The following HERC6 variants were observed in gnomAD, a reference collection of about 807,000 sequenced individuals.
HERC6 encodes the protein HECT and RLD domain containing E3 ubiquitin protein ligase family member 6, also known as probable E3 ubiquitin-protein ligase HERC6.
A neutral mutation model predicts 114.5 loss-of-function variants in HERC6; 101 were observed. The ratio of observed to expected loss-of-function variants is 0.88; its 90% confidence interval spans 0.75 to 1.04. The LOEUF (loss-of-function observed/expected upper bound fraction) is 1.04. Among genes scored for constraint, HERC6 ranks in the 50% least tolerant of loss-of-function variants. The probability of loss-of-function intolerance (pLI) is 0.00; values close to 1 mark genes in which losing one functional copy is unlikely to be tolerated. For missense variants in HERC6, 1,133 were observed against 1,230.9 expected, an observed-to-expected ratio of 0.92 and a Z score of 1.19; for synonymous variants, 408 against 436.2, an observed-to-expected ratio of 0.94 and a Z score of 0.81.
At chr4:88,425,143 G>T (rs751242414) in intron 15 of HERC6, among the ~76,000 whole-genome samples, 2 of 152,134 alleles carry the variant, frequency 1.3e-5, no homozygotes, top group Non-Finnish European at 2.9e-5. Flanking sequence ...AGGGCACTTG[G>T]TTCCTCCAAA....
In HERC6 at chr4:88,378,948, C is replaced by T; in HGVS notation, c.27C>T (p.Ser9=). 6.3e-7 allele frequency: 1 copy of T among 1,594,702 alleles called. No homozygotes were observed. The highest frequency in any genetic ancestry group is 1.1e-5 in the South Asian group (1 of 88,030). Residue 9 remains serine, a synonymous_variant, in exon 1 of 23, where the codon TCC becomes TCT. Transcript: ENST00000264346. MYFCWGAD[S]RELQRRRTAG... ...TGTACTTCTGTTGGGGCGCCGACTCCAGGGAGCTGCAGCGCCGGAGGACGG... is the reference window on the plus strand; with the variant it reads ...TGTACTTCTGTTGGGGCGCCGACTCTAGGGAGCTGCAGCGCCGGAGGACGG...
Position 88,378,912 on chromosome 4 carries a change from C to T in HERC6, c.-10C>T. On this transcript the variant is annotated 5_prime_UTR_variant, in exon 1 of 23. Transcript: ENST00000264346. ...GGAATCCGGAGCAGGCGACAGGGCG[C>T]AGAAGCGGGATGTACTTCTGTTGGG... 1 of 1,580,570 alleles carries T rather than the reference C, an allele frequency of 6.3e-7. No individual in the cohort carries two copies. The highest frequency in any genetic ancestry group is 8.6e-7 in the Non-Finnish European group (1 of 1,163,504).
At position 88,383,763 on chromosome 4, in the gene HERC6, C is replaced by CAAAAAAAAAAAAAAAAAAAAAAAAAAAA. The variant is rs753643806; in HGVS notation, c.359+386_359+413dup. On this transcript the variant is annotated intron_variant, in intron 2 of 22. Coordinates refer to ENST00000264346, the MANE Select transcript of HERC6 (RefSeq NM_017912.4). ...TGGGCAACAGAGGGAGACTCAGTCT[C>CAAAAAAAAAAAAAAAAAAAAAAAAAAAA]AAAAAAAAAAAAAAAAAAAAAAAAA... Among the ~76,000 whole-genome samples the CAAAAAAAAAAAAAAAAAAAAAAAAAAAA allele has an allele frequency of 7.0e-5, 2 of 28,740 alleles. 1 individual carries two copies. Among genetic ancestry groups the CAAAAAAAAAAAAAAAAAAAAAAAAAAAA allele is most frequent in the Non-Finnish European group, 1.2e-4 (2 of 16,644 alleles). 18.9% of individuals were successfully genotyped at this position (28,740 alleles called of 152,430 possible). A position where few individuals can be genotyped will look rare whatever the true frequency, so the allele number is the denominator to read the frequency against.
chr4:88,412,433 C>T (rs1272498987), intron 11 of HERC6, among the ~76,000 whole-genome samples: 2 of 152,050 alleles, frequency 1.3e-5, no homozygotes, highest in Non-Finnish European at 2.9e-5. Flanking sequence ...TAGTGAGACT[C>T]CATCTCTACA....
intron 15 of HERC6, among the ~76,000 whole-genome samples, chr4:88,427,254 G>C (rs1262490145): frequency 6.6e-6 from 1 of 152,212 alleles, no homozygotes; most frequent in Admixed American, 6.5e-5. Flanking sequence ...CCAATATACA[G>C]AGAACCGGAG....
chr4:88,387,253 TG>T (rs1397230752), intron 3 of HERC6, among the ~76,000 whole-genome samples: 4 of 152,120 alleles, frequency 2.6e-5, no homozygotes, highest in African/African-American at 9.7e-5. Flanking sequence ...AAAAATTAGC[TG>T]GGCATGGTGG....
intron 7 of HERC6, among the ~76,000 whole-genome samples, chr4:88,397,834 A>G (rs1355092900): frequency 5.3e-5 from 8 of 152,216 alleles, no homozygotes; most frequent in Admixed American, 2.6e-4. Context: ...AACCAGAACA[A>G]TCCACTTTCA....
intron 22 of HERC6, among the ~76,000 whole-genome samples, chr4:88,441,132 G>C (rs1739307106): frequency 6.6e-6 from 1 of 151,702 alleles, no homozygotes; most frequent in Non-Finnish European, 1.5e-5. Flanking sequence ...ACTTCAGCTG[G>C]CTCCTAAGCC....
At chr4:88,412,950 G>C in intron 11 of HERC6, 127 bp from the exon 12 acceptor site, 2 of 685,366 alleles carry the variant, frequency 2.9e-6, no homozygotes, top group Non-Finnish European at 5.0e-6. Context: ...ATAGGTTTCA[G>C]AATGGCTAAG....
intron 13 of HERC6, among the ~76,000 whole-genome samples, chr4:88,421,286 T>C (rs1389411674): frequency 6.6e-6 from 1 of 152,202 alleles, no homozygotes. Flanking sequence ...CATGTTTTCA[T>C]TTCCCGTATA....
intron 6 of HERC6, 123 bp from the exon 7 acceptor site, chr4:88,396,728 G>A (rs1180976038): frequency 1.3e-6 from 1 of 786,282 alleles, no homozygotes; most frequent in Non-Finnish European, 1.9e-6. Context: ...TGATAAGGGA[G>A]CTGCGTACTT....
chr4:88,394,556 A>T (rs574256750), intron 5 of HERC6, among the ~76,000 whole-genome samples: 90 of 144,034 alleles, frequency 6.2e-4, no homozygotes, highest in East Asian at 2.6e-3. Context: ...TATTATTATT[A>T]TTTTTTGAGA....
intron 20 of HERC6, among the ~76,000 whole-genome samples, chr4:88,438,327 G>A (rs1738978328): frequency 1.3e-5 from 2 of 151,958 alleles, no homozygotes; most frequent in Non-Finnish European, 2.9e-5. Flanking sequence ...TCTATTCTAG[G>A]TGCTGGAGAT....
chr4:88,395,970 C>G, intron 5 of HERC6, 45 bp from the exon 6 acceptor site: 1 of 1,528,758 alleles, frequency 6.5e-7, no homozygotes, highest in Non-Finnish European at 8.8e-7. Flanking sequence ...CTTTTAGTTA[C>G]CTTGTTAAAC....
intron 22 of HERC6, 125 bp downstream of exon 22, chr4:88,440,375 C>T: frequency 1.6e-6 from 1 of 635,260 alleles, no homozygotes; most frequent in South Asian, 2.0e-5. Context: ...CTTTGTCTCA[C>T]AGCCATGGAG....
At chr4:88,390,303 G>T (rs1734837141) in intron 3 of HERC6, among the ~76,000 whole-genome samples, 1 of 151,986 alleles carries the variant, frequency 6.6e-6, no homozygotes, top group South Asian at 2.1e-4. Flanking sequence ...TAAACTTTCA[G>T]TTATAAGGTG....
At chr4:88,392,222 A>G (rs760123353) in intron 4 of HERC6, among the ~76,000 whole-genome samples, 10 of 147,114 alleles carry the variant, frequency 6.8e-5, no homozygotes, top group Non-Finnish European at 1.2e-4. Flanking sequence ...TCTGTTGCCC[A>G]GGCTGGAGTG....
chr4:88,407,168 C>T (rs577755695), intron 10 of HERC6, among the ~76,000 whole-genome samples: 10 of 152,348 alleles, frequency 6.6e-5, no homozygotes, highest in African/African-American at 1.2e-4. Context: ...GCCTCCGCCT[C>T]GTGGGTTCAT....
At position 88,440,170 on chromosome 4, in the gene HERC6, A is replaced by T; in HGVS notation, c.2762A>T (p.Tyr921Phe). ...FEQNSKYEQG[Y>F]QKSHPTIQLF... ...AAGAATTCAAAGTATGAGCAAGGAT[A>T]CCAAAAATCACATCCTACTATACAG... Residue 921 changes from tyrosine to phenylalanine, a missense_variant, in exon 22 of 23, where the codon TAC (tyrosine) becomes TTC (phenylalanine). By Grantham distance (22) the Tyr-to-Phe change is conservative (BLOSUM62 3). Coordinates refer to ENST00000264346, the MANE Select transcript of HERC6 (RefSeq NM_017912.4). 1 of 1,609,254 alleles carries T rather than the reference A, an allele frequency of 6.2e-7. No individual in the cohort carries two copies. The highest frequency in any genetic ancestry group is 2.2e-5 in the East Asian group (1 of 44,808).
Sources: gnomAD v4.1 joint callset for allele counts (sites outside exome capture counted in the v4.1 genomes callset) on GRCh38, gnomAD v4.1.1 for gene constraint, MANE v1.5 for transcripts, NCBI Gene and HGNC (gene_info 2026-07-23, HGNC 2026-07-21) for gene names.